PLEKHO2: variants seen among roughly 807,000 people sequenced by gnomAD.
The protein encoded by PLEKHO2 is pleckstrin homology domain-containing family O member 2.
In PLEKHO2, 20 loss-of-function variants were observed where a neutral mutation model predicts 32.7. That is an observed-to-expected ratio of 0.61 (90% CI 0.43 to 0.89). PLEKHO2 has a LOEUF of 0.89. Ranked by LOEUF, PLEKHO2 falls within the 40% of genes least tolerant of loss-of-function variation. The pLI is 0.00. For synonymous variants in PLEKHO2, 247 were observed against 246.3 expected, an observed-to-expected ratio of 1.00 and a Z score of -0.03; for missense variants, 568 against 621.2, an observed-to-expected ratio of 0.91 and a Z score of 0.91.
At chr15:64,853,993 C>T (rs73469152) in intron 2 of PLEKHO2, among the ~76,000 whole-genome samples, 2,065 of 152,292 alleles carry the variant, frequency 0.014, 47 homozygotes, top group African/African-American at 0.047. Context: ...GTACCCTCCC[C>T]CACCAAAGGA....
Position 64,841,999 on chromosome 15 carries a change from G to T in PLEKHO2, c.-18G>T. 1 of 1,246,170 alleles carries T rather than the reference G, an allele frequency of 8.0e-7. No individual in the cohort carries two copies. Among genetic ancestry groups the T allele is most frequent in the Non-Finnish European group, 1.0e-6 (1 of 995,804 alleles). The allele number at this position is 1,246,170 out of a possible 1,614,324, so 77.2% of individuals were successfully genotyped here. ...CTGGAAGCGAGTGGCGGAGCGGCGGGACCTCGGCGGACTCGCCATGGAGGA... is the reference window on the plus strand; with the variant it reads ...CTGGAAGCGAGTGGCGGAGCGGCGGTACCTCGGCGGACTCGCCATGGAGGA... On this transcript the variant is annotated 5_prime_UTR_variant, in exon 1 of 6. Transcript: ENST00000323544.
intron 4 of PLEKHO2, 92 bp downstream of exon 4, chr15:64,860,090 C>CT: frequency 9.0e-7 from 1 of 1,107,344 alleles, no homozygotes; most frequent in Non-Finnish European, 1.4e-6. Context: ...TTACCCCAGA[C>CT]TACCCCTTGA....
chr15:64,866,443 A>G lies in PLEKHO2; in HGVS notation c.*555A>G. 1 of 455,476 alleles carries G rather than the reference A, an allele frequency of 2.2e-6. No individual in the cohort carries two copies. Among genetic ancestry groups the G allele is most frequent in the Non-Finnish European group, 4.4e-6 (1 of 226,486 alleles). The allele number at this position is 455,476 out of a possible 1,614,324, so 28.2% of individuals were successfully genotyped here. A position where few individuals can be genotyped will look rare whatever the true frequency, so the allele number is the denominator to read the frequency against. Reference sequence around the variant, plus strand: ...TTCATCCCTCAGTTGGGGGGAACGTAGGACCCAGCTGGAGCCTCTTGAGGG... The same window carrying G: ...TTCATCCCTCAGTTGGGGGGAACGTGGGACCCAGCTGGAGCCTCTTGAGGG... On this transcript the variant is annotated 3_prime_UTR_variant, in exon 6 of 6. Transcript: ENST00000323544.
chr15:64,851,092 C>T (rs887103344), intron 2 of PLEKHO2, among the ~76,000 whole-genome samples: 5 of 152,194 alleles, frequency 3.3e-5, no homozygotes, highest in African/African-American at 4.8e-5. Flanking sequence ...CTTGTCTGAC[C>T]TACCTGAGTT....
At chr15:64,862,939 C>CTT (rs34879327) in intron 5 of PLEKHO2, among the ~76,000 whole-genome samples, 6 of 120,100 alleles carry the variant, frequency 5.0e-5, no homozygotes, top group South Asian at 2.9e-4. Flanking sequence ...CCCCCCACCT[C>CTT]TTTTTTTTTT....
intron 3 of PLEKHO2, among the ~76,000 whole-genome samples, chr15:64,856,873 C>T (rs1427816156): frequency 1.3e-5 from 2 of 152,212 alleles, no homozygotes; most frequent in African/African-American, 2.4e-5. Context: ...CTGGGTGTTC[C>T]CCGTCCTCAG....
At chr15:64,843,820 T>C (rs552020218) in intron 1 of PLEKHO2, among the ~76,000 whole-genome samples, 36 of 152,232 alleles carry the variant, frequency 2.4e-4, no homozygotes, top group African/African-American at 8.4e-4. Context: ...CCTCAGGTGA[T>C]CCGCCTGCCT....
In PLEKHO2 at chr15:64,865,949, C is replaced by G. The variant is rs557968534; in HGVS notation, c.*61C>G. 1 of 1,532,472 alleles carries G rather than the reference C, an allele frequency of 6.5e-7. No individual in the cohort carries two copies. The highest frequency in any genetic ancestry group is 1.4e-5 in the African/African-American group (1 of 72,998). The allele number at this position is 1,532,472 out of a possible 1,614,324, so 94.9% of individuals were successfully genotyped here. A position where few individuals can be genotyped will look rare whatever the true frequency, so the allele number is the denominator to read the frequency against. On this transcript the variant is annotated 3_prime_UTR_variant, in exon 6 of 6. Transcript: ENST00000323544. ...ATCCATCAAGTCCATCAAGGCCCAG[C>G]CCTGCTGAGAAATGTGCTTCTGCTT...
chr15:64,860,161 A>G (rs1173035403), intron 4 of PLEKHO2, among the ~76,000 whole-genome samples, 163 bp downstream of exon 4: 1 of 152,144 alleles, frequency 6.6e-6, no homozygotes, highest in Non-Finnish European at 1.5e-5. Context: ...AGCCCCTCAT[A>G]GTAGGTGGTG....
In PLEKHO2 at chr15:64,865,558, A is replaced by G. The variant is rs1859890009; in HGVS notation, c.1143A>G (p.Pro381=). The stretch of plus-strand genomic sequence containing the variant: ...CAGCACTGCCCCCCTGGGACCTGCC[A>G]CCTCAGTTCCATCCCCGCTGCTCCT... ...TSTALPPWDL[P]PQFHPRCSSL... The change falls in exon 6 of 6, where the codon CCA becomes CCG. Residue 381 remains proline (P), a synonymous_variant. Transcript: ENST00000323544. 1 of 1,614,100 alleles carries G rather than the reference A, an allele frequency of 6.2e-7. No homozygotes were observed. Among genetic ancestry groups the G allele is most frequent in the East Asian group, 2.2e-5 (1 of 44,880 alleles).
rs544179957 is a variant in PLEKHO2, at chr15:64,845,355, C to T, written c.13-3238C>T. On this transcript the variant is annotated intron_variant, in intron 1 of 5. Transcript: ENST00000323544. Reference sequence around the variant, plus strand: ...GGAGAGGGCAAAACAGGAAGAACAGCGGTCAGCTGCTCAGTGAGGAGAGGA... The same window carrying T: ...GGAGAGGGCAAAACAGGAAGAACAGTGGTCAGCTGCTCAGTGAGGAGAGGA... 5.7e-4 allele frequency among the ~76,000 whole-genome samples: 86 copies of T among 151,936 alleles called. 1 individual carries two copies. The South Asian group carries it at 0.011, about 19-fold the overall frequency.
chr15:64,850,950 A>G (rs1567095782), intron 2 of PLEKHO2, among the ~76,000 whole-genome samples: 1 of 152,186 alleles, frequency 6.6e-6, no homozygotes. Flanking sequence ...CAGAAGGGGG[A>G]GCCTGCCTCT....
Position 64,867,288 on chromosome 15 carries a change from G to T in PLEKHO2, c.*1400G>T. ...TTCCCCAACCCCACTGAGGCCTGCT[G>T]CACAGGTCAATGCCTTCGTTATCGT... is the stretch of plus-strand genomic sequence containing the variant. On this transcript the variant is annotated 3_prime_UTR_variant, in exon 6 of 6. Coordinates refer to ENST00000323544, the MANE Select transcript of PLEKHO2 (RefSeq NM_025201.5). 6.5e-6 allele frequency: 1 copy of T among 152,882 alleles called. No homozygotes were observed. The highest frequency in any genetic ancestry group is 1.5e-5 in the Non-Finnish European group (1 of 68,106). 9.5% of individuals were successfully genotyped at this position (152,882 alleles called of 1,614,324 possible).
intron 5 of PLEKHO2, among the ~76,000 whole-genome samples, chr15:64,863,655 G>A (rs114843097): frequency 0.012 from 1,761 of 152,074 alleles, 37 homozygotes; most frequent in African/African-American, 0.041. Flanking sequence ...GATGGGCATC[G>A]TGGCACATGC....
chr15:64,864,133 C>T (rs1192908583), intron 5 of PLEKHO2, among the ~76,000 whole-genome samples: 1 of 152,174 alleles, frequency 6.6e-6, no homozygotes, highest in East Asian at 1.9e-4. Context: ...GGAAAGGCCT[C>T]CTGCCCAGCC....
chr15:64,860,943 C>T (rs1199575280), intron 4 of PLEKHO2, among the ~76,000 whole-genome samples: 2 of 152,240 alleles, frequency 1.3e-5, no homozygotes, highest in Admixed American at 6.5e-5. Context: ...GGTTCTGAGT[C>T]TGGACCTCCC....
rs1026274574 is a variant in PLEKHO2 at position 64,865,629 on chromosome 15, C to T, written c.1214C>T (p.Pro405Leu). 3 of 1,614,216 alleles carry T rather than the reference C, an allele frequency of 1.9e-6. No homozygotes were observed. Among genetic ancestry groups the T allele is most frequent in the Non-Finnish European group, 2.5e-6 (3 of 1,180,036 alleles). ...LGEGPRHPLQ[P>L]RERLYRAQLE... is the part of the protein sequence containing the mutation. ...GAAGGCCCGCGGCATCCCTTGCAGC[C>T]CAGGGAACGGCTATATCGGGCCCAG... is the stretch of plus-strand genomic sequence containing the variant. Residue 405 changes from proline (P) to leucine (L), a missense_variant, in exon 6 of 6, where the codon CCC becomes CTC. Physicochemically the swap from Pro to Leu is moderately conservative, Grantham distance 98 (BLOSUM62 -3). Coordinates refer to ENST00000323544, the MANE Select transcript of PLEKHO2 (RefSeq NM_025201.5).
chr15:64,851,488 CA>C (rs1567095871), intron 2 of PLEKHO2, among the ~76,000 whole-genome samples: 1 of 152,134 alleles, frequency 6.6e-6, no homozygotes, highest in Non-Finnish European at 1.5e-5. Flanking sequence ...AATGTAAATG[CA>C]ATTTCAGGAA....
chr15:64,859,713 G>A (rs559651063), intron 3 of PLEKHO2, among the ~76,000 whole-genome samples, 181 bp from the exon 4 acceptor site: 9 of 152,340 alleles, frequency 5.9e-5, no homozygotes, highest in African/African-American at 2.2e-4. Context: ...GCATACTGGT[G>A]GGCAGTGGGG....
Sources: gnomAD v4.1 joint callset for allele counts (sites outside exome capture counted in the v4.1 genomes callset) on GRCh38, gnomAD v4.1.1 for gene constraint, MANE v1.5 for transcripts, NCBI Gene and HGNC (gene_info 2026-07-23, HGNC 2026-07-21) for gene names.